KLF11: variants seen among roughly 807,000 people sequenced by gnomAD.
The protein encoded by KLF11 is Krueppel-like factor 11.
Under a neutral mutation model 29.9 loss-of-function variants are expected in KLF11, and 26 were observed. The observed-to-expected ratio is 0.87, with a 90% CI of 0.64 to 1.21. The LOEUF (loss-of-function observed/expected upper bound fraction) is 1.21. KLF11 is among the 50% of genes most tolerant of loss of function. KLF11 has a pLI of 0.00. For missense variants in KLF11, 778 were observed against 665.7 expected (o/e 1.17, Z -1.86); for synonymous variants, 318 against 257.4 (o/e 1.24, Z -2.25).
In KLF11 at chr2:10,048,508, A is replaced by G; in HGVS notation, c.1171A>G (p.Arg391Gly). 1 of 1,613,790 alleles carries G rather than the reference A, an allele frequency of 6.2e-7. No homozygotes were observed. Among genetic ancestry groups the G allele is most frequent in the Non-Finnish European group, 8.5e-7 (1 of 1,180,030 alleles). ...NCVPQVDFSR[R>G]RNYVCSFPGC... ...TGTCCCTCAGGTAGACTTTTCCCGA[A>G]GGAGGAACTATGTATGCAGCTTCCC... Residue 391 changes from arginine (R) to glycine (G), a missense_variant, in exon 3 of 4, where the codon AGG becomes GGG. Coordinates refer to ENST00000305883, the MANE Select transcript of KLF11 (RefSeq NM_003597.5).
Position 10,048,435 on chromosome 2 carries a change from G to A in KLF11, c.1098G>A (p.Leu366=). ...ANVMAAGNTK[L]LPLAPAPVFI... is the part of the protein sequence containing the mutation. ...TCATGGCTGCCGGGAATACCAAGTTGTTGCCCCTTGCCCCTGCTCCAGTGT... is the reference window on the plus strand; with the variant it reads ...TCATGGCTGCCGGGAATACCAAGTTATTGCCCCTTGCCCCTGCTCCAGTGT... Residue 366 remains leucine, a synonymous_variant, in exon 3 of 4, where the codon TTG becomes TTA. Transcript: ENST00000305883. 3.1e-6 allele frequency: 5 copies of A among 1,614,122 alleles called. No individual in the cohort carries two copies. Among genetic ancestry groups the A allele is most frequent in the Non-Finnish European group, 4.2e-6 (5 of 1,180,026 alleles).
Position 10,052,942 on chromosome 2 carries a change from A to T in KLF11, c.*435A>T, listed in dbSNP as rs72786612. On this transcript the variant is annotated 3_prime_UTR_variant, in exon 4 of 4. Coordinates refer to ENST00000305883, the MANE Select transcript of KLF11 (RefSeq NM_003597.5). ...CCAATTTCTAGCTAGATCATTTTGC[A>T]GCCTTCTTTTCAGTGTTTAATAACA... The T allele has an allele frequency of 0.091, 30,348 of 334,048 alleles. 1,680 individuals are homozygous for T. The highest frequency in any genetic ancestry group is 0.19 in the Middle Eastern group (241 of 1,264). The allele number at this position is 334,048 out of a possible 1,614,324, so 20.7% of individuals were successfully genotyped here. A position where few individuals can be genotyped will look rare whatever the true frequency, so the allele number is the denominator to read the frequency against.
chr2:10,046,770 G>T (rs565458622), intron 2 of KLF11, among the ~76,000 whole-genome samples: 2 of 152,244 alleles, frequency 1.3e-5, no homozygotes, highest in East Asian at 3.9e-4. Flanking sequence ...TAGGAGAATC[G>T]CTTGAACCCG....
At chr2:10,050,027 G>C (rs537499687) in intron 3 of KLF11, among the ~76,000 whole-genome samples, 15 of 152,192 alleles carry the variant, frequency 9.9e-5, no homozygotes, top group Non-Finnish European at 1.5e-4. Context: ...AAGTTTTACC[G>C]TTTATTTGGT....
intron 3 of KLF11, among the ~76,000 whole-genome samples, chr2:10,049,429 T>A (rs1389843776): frequency 6.6e-6 from 1 of 152,238 alleles, no homozygotes. Flanking sequence ...CGTGGTAGCC[T>A]CCACGTGTAG....
Position 10,047,945 on chromosome 2 carries a change from G to A in KLF11, c.608G>A (p.Gly203Glu), listed in dbSNP as rs145588324. The change falls in exon 3 of 4, where the codon GGA (glycine) becomes GAA (glutamate). Residue 203 changes from glycine to glutamate, a missense_variant. Coordinates refer to ENST00000305883, the MANE Select transcript of KLF11 (RefSeq NM_003597.5). ...TGCCGGCTTTCTGACAGCAGAGAAGGAGAAGAGCAGCTTCTGGGACACTTT... is the reference window on the plus strand; with the variant it reads ...TGCCGGCTTTCTGACAGCAGAGAAGAAGAAGAGCAGCTTCTGGGACACTTT... ...PDCRLSDSRE[G>E]EEQLLGHFET... The A allele has an allele frequency of 7.9e-5, 128 of 1,613,768 alleles. No homozygotes were observed. The highest frequency in any genetic ancestry group is 9.2e-5 in the Non-Finnish European group (108 of 1,180,026).
At position 10,046,179 on chromosome 2, in the gene KLF11, C is replaced by T. The variant is rs757223238; in HGVS notation, c.72C>T (p.Ile24=). 2.5e-6 allele frequency: 4 copies of T among 1,613,962 alleles called. No homozygotes were observed. The highest frequency in any genetic ancestry group is 4.5e-5 in the East Asian group (2 of 44,896). Residue 24 remains isoleucine (I), a synonymous_variant, in exon 2 of 4, where the codon ATC becomes ATT. Coordinates refer to ENST00000305883, the MANE Select transcript of KLF11 (RefSeq NM_003597.5). ...AVDIMDICES[I]LERKRHDSER... ...ACATCATGGACATATGTGAGTCCAT[C>T]CTGGAGAGGAAGCGGCATGACAGCG...
chr2:10,053,171 C>T lies in KLF11; in HGVS notation c.*664C>T. The T allele has an allele frequency of 2.5e-6, 1 of 399,090 alleles. No homozygotes were observed. Among genetic ancestry groups the T allele is most frequent in the East Asian group, 3.6e-5 (1 of 28,106 alleles). 24.7% of individuals were successfully genotyped at this position (399,090 alleles called of 1,614,324 possible). A position where few individuals can be genotyped will look rare whatever the true frequency, so the allele number is the denominator to read the frequency against. On this transcript the variant is annotated 3_prime_UTR_variant, in exon 4 of 4. Coordinates refer to ENST00000305883, the MANE Select transcript of KLF11 (RefSeq NM_003597.5). ...GGCAATCATTCCTGTCACCAAAGAA[C>T]TAAAATTTTGGTTGACTGGAACTAG...
At chr2:10,050,740 G>C (rs1410127210) in intron 3 of KLF11, among the ~76,000 whole-genome samples, 1 of 151,920 alleles carries the variant, frequency 6.6e-6, no homozygotes, top group African/African-American at 2.4e-5. Context: ...TAAGAGTTCT[G>C]AAGAATCCCC....
At chr2:10,051,809 G>A (rs4669521) in intron 3 of KLF11, among the ~76,000 whole-genome samples, 89,961 of 152,026 alleles carry the variant, frequency 0.59, 27,122 homozygotes, top group East Asian at 0.85. Context: ...GAGCCACTGC[G>A]CCTGGCTGGA....
In KLF11 at chr2:10,053,497, A is replaced by G. The variant is rs1236353894; in HGVS notation, c.*990A>G. The G allele has an allele frequency of 5.0e-6, 2 of 398,536 alleles. No individual in the cohort carries two copies. Among genetic ancestry groups the G allele is most frequent in the East Asian group, 3.6e-5 (1 of 28,098 alleles). 24.7% of individuals were successfully genotyped at this position (398,536 alleles called of 1,614,324 possible). A position where few individuals can be genotyped will look rare whatever the true frequency, so the allele number is the denominator to read the frequency against. On this transcript the variant is annotated 3_prime_UTR_variant, in exon 4 of 4. Coordinates refer to ENST00000305883, the MANE Select transcript of KLF11 (RefSeq NM_003597.5). ...AGGAAATGTCTGTATTGGTTGGATG[A>G]AACTCCACCAGAGCACAGCTTAGCT...
In KLF11 at chr2:10,044,256, A is replaced by G. The variant is rs1473084472; in HGVS notation, c.42+498A>G. On this transcript the variant is annotated intron_variant, in intron 1 of 3. Coordinates refer to ENST00000305883, the MANE Select transcript of KLF11 (RefSeq NM_003597.5). Reference sequence around the variant, plus strand: ...GCGGGCAAGGTCTAGGGGCCGGGGCAACGACGGGAGGCGGGAGCGCCGCAC... The same window carrying G: ...GCGGGCAAGGTCTAGGGGCCGGGGCGACGACGGGAGGCGGGAGCGCCGCAC... 21 of 980,108 alleles carry G rather than the reference A, an allele frequency of 2.1e-5. No homozygotes were observed. The South Asian group carries it at 9.0e-4, about 42-fold the overall frequency. The allele number at this position is 980,108 out of a possible 1,614,324, so 60.7% of individuals were successfully genotyped here.
rs1195992925 is a variant in KLF11, at chr2:10,052,463, G to A, written c.1495G>A (p.Glu499Lys). ...CAAGCTGAACAGAATCGCCTCTGCAGAGAGCCCGGGGAGCCCACTGGTGAG... is the reference window on the plus strand; with the variant it reads ...CAAGCTGAACAGAATCGCCTCTGCAAAGAGCCCGGGGAGCCCACTGGTGAG... ...VGKLNRIASAESPGSPLVSMP... is the reference protein window; with the variant it reads ...VGKLNRIASAKSPGSPLVSMP... Residue 499 changes from glutamate (E) to lysine (K), a missense_variant, in exon 4 of 4, where the codon GAG (glutamate) becomes AAG (lysine). Transcript: ENST00000305883. 1.4e-5 allele frequency: 22 copies of A among 1,614,136 alleles called. No homozygotes were observed. Among genetic ancestry groups the A allele is most frequent in the Non-Finnish European group, 1.9e-5 (22 of 1,180,018 alleles).
intron 3 of KLF11, among the ~76,000 whole-genome samples, chr2:10,050,213 C>G (rs976860619): frequency 6.6e-5 from 10 of 152,094 alleles, no homozygotes; most frequent in Non-Finnish European, 1.5e-5. Context: ...TTGAGACCAG[C>G]CTGGCCAACA....
At chr2:10,045,343 C>G (rs1026881687) in intron 1 of KLF11, among the ~76,000 whole-genome samples, 3 of 151,962 alleles carry the variant, frequency 2.0e-5, no homozygotes, top group African/African-American at 7.3e-5. Context: ...TCGCTTGAAC[C>G]CGGGAGGTCA....
At position 10,046,150 on chromosome 2, in the gene KLF11, G is replaced by C; in HGVS notation, c.43G>C (p.Val15Leu). ...AGCCGTTGTGTTGTGTCGCCTTTAG[G>C]TTGACATCATGGACATATGTGAGTC... The part of the protein sequence containing the change: ...DFAGPDDARA[V>L]DIMDICESIL... The change falls in exon 2 of 4, where the codon GTT (valine) becomes CTT (leucine). Residue 15 changes from valine to leucine, a missense_variant and splice_region_variant. Val to Leu is a conservative substitution (Grantham distance 32, BLOSUM62 1). Coordinates refer to ENST00000305883, the MANE Select transcript of KLF11 (RefSeq NM_003597.5). The C allele has an allele frequency of 6.2e-7, 1 of 1,613,642 alleles. No homozygotes were observed. The highest frequency in any genetic ancestry group is 8.5e-7 in the Non-Finnish European group (1 of 1,180,040).
Position 10,047,477 on chromosome 2 carries a change from A to C in KLF11, c.313-173A>C, listed in dbSNP as rs565694629. On this transcript the variant is annotated intron_variant, in intron 2 of 3. Transcript: ENST00000305883. ...GTTTGGGAGAGGTAAACACGTTGGG[A>C]ATAAGCTGAGAAAGCAGAGTGCCTC... 1.8e-3 allele frequency among the ~76,000 whole-genome samples: 274 copies of C among 152,322 alleles called. 2 individuals carry two copies. The highest frequency in any genetic ancestry group is 0.01 in the Middle Eastern group (3 of 294).
At chr2:10,046,031 CTA>C in intron 1 of KLF11, 117 bp from the exon 2 acceptor site, 1 of 1,127,832 alleles carries the variant, frequency 8.9e-7, no homozygotes, top group Non-Finnish European at 1.3e-6. Flanking sequence ...TTGCTATAGA[CTA>C]TTGCATGTGC....
chr2:10,048,254 C>G lies in KLF11; in HGVS notation c.917C>G (p.Pro306Arg). 6.2e-7 allele frequency: 1 copy of G among 1,611,232 alleles called. No homozygotes were observed. The highest frequency in any genetic ancestry group is 8.5e-7 in the Non-Finnish European group (1 of 1,178,110). The change falls in exon 3 of 4, where the codon CCT becomes CGT. Residue 306 changes from proline to arginine, a missense_variant. Transcript: ENST00000305883. ...ATGTTACCAGCTTTTTTGAAGCCCC[C>G]TCCCCAGTTGTCTGTGGGGACTGTG... ...SSMLPAFLKPPPQLSVGTVRP... is the reference protein window; with the variant it reads ...SSMLPAFLKPRPQLSVGTVRP...
Sources: allele counts gnomAD v4.1 joint callset (sites outside exome capture counted in the v4.1 genomes callset), GRCh38; gene constraint gnomAD v4.1.1; transcripts MANE v1.5; gene names NCBI Gene and HGNC (gene_info 2026-07-23, HGNC 2026-07-21).